Variants in CLEC2D observed in about 807,000 individuals in gnomAD.
The protein encoded by CLEC2D is C-type lectin domain family 2 member D.
In CLEC2D, 16 loss-of-function variants were observed where a neutral mutation model predicts 20.0. The observed-to-expected ratio is 0.80, with a 90% CI of 0.54 to 1.22. CLEC2D has a LOEUF of 1.22. Among genes scored for constraint, CLEC2D ranks in the 50% most tolerant of loss-of-function variants. The probability of loss-of-function intolerance (pLI) is 0.00; values close to 1 mark genes in which losing one functional copy is unlikely to be tolerated. For missense variants in CLEC2D, 207 were observed against 221.5 expected (o/e 0.93, Z 0.42); for synonymous variants, 77 against 71.1 (o/e 1.08, Z -0.42).
At chr12:9,671,322 C>T (rs1245492834) in intron 1 of CLEC2D, among the ~76,000 whole-genome samples, 2 of 152,174 alleles carry the variant, frequency 1.3e-5, no homozygotes, top group Non-Finnish European at 2.9e-5. Flanking sequence ...CTCCTGGGTT[C>T]ACGCCATTCT....
At chr12:9,680,222 A>G in intron 1 of CLEC2D, 1 of 348,430 alleles carries the variant, frequency 2.9e-6, no homozygotes, top group Non-Finnish European at 6.0e-6. Context: ...TGTGAAGAAG[A>G]ACACGTTTGC....
chr12:9,677,252 T>C (rs1006853557), intron 1 of CLEC2D, among the ~76,000 whole-genome samples: 7 of 152,150 alleles, frequency 4.6e-5, no homozygotes, highest in African/African-American at 1.7e-4. Context: ...TTCAATACTA[T>C]CAATTTCTCT....
At chr12:9,680,886 T>C (rs548316925) in intron 1 of CLEC2D, 37 bp from the exon 2 acceptor site, 9 of 1,040,478 alleles carry the variant, frequency 8.6e-6, no homozygotes, top group Non-Finnish European at 1.4e-5. Flanking sequence ...TATGTCTGTA[T>C]TTAATTGTTA....
At position 9,698,581 on chromosome 12, in the gene CLEC2D, A is replaced by G. The variant is rs1229089111; in HGVS notation, c.*3707A>G. The stretch of plus-strand genomic sequence containing the variant: ...AAAGAAAATATAGGGAGAAAGCTTC[A>G]CAACGTTGGTCTGGGCAATAATTTT... On this transcript the variant is annotated 3_prime_UTR_variant, in exon 5 of 5. Coordinates refer to ENST00000290855, the MANE Select transcript of CLEC2D (RefSeq NM_013269.6). 1.3e-5 allele frequency: 2 copies of G among 152,246 alleles called. No homozygotes were observed. The highest frequency in any genetic ancestry group is 6.5e-5 in the Admixed American group (1 of 15,272). The allele number at this position is 152,246 out of a possible 1,614,324, so 9.4% of individuals were successfully genotyped here.
intron 2 of CLEC2D, among the ~76,000 whole-genome samples, chr12:9,681,716 G>T (rs1591694145): frequency 1.3e-5 from 2 of 152,180 alleles, no homozygotes; most frequent in Admixed American, 1.3e-4. Flanking sequence ...ACATTCTGAA[G>T]TAATTTCAGA....
chr12:9,694,920 T>G lies in CLEC2D; in HGVS notation c.*46T>G. On this transcript the variant is annotated 3_prime_UTR_variant, in exon 5 of 5. Coordinates refer to ENST00000290855, the MANE Select transcript of CLEC2D (RefSeq NM_013269.6). Reference sequence around the variant, plus strand: ...CTAATCTTTAGAAGCATATTGGAACTGATAACTCCATTTTAAAATGAGCAA... The same window carrying G: ...CTAATCTTTAGAAGCATATTGGAACGGATAACTCCATTTTAAAATGAGCAA... The G allele has an allele frequency of 4.1e-6, 4 of 970,812 alleles. No individual in the cohort carries two copies. Among genetic ancestry groups the G allele is most frequent in the African/African-American group, 1.6e-5 (1 of 62,206 alleles). 60.1% of individuals were successfully genotyped at this position (970,812 alleles called of 1,614,324 possible). A position where few individuals can be genotyped will look rare whatever the true frequency, so the allele number is the denominator to read the frequency against.
At chr12:9,669,831 C>T (rs1456041586) in intron 1 of CLEC2D, 36 bp downstream of exon 1, 1 of 1,531,118 alleles carries the variant, frequency 6.5e-7, no homozygotes, top group Non-Finnish European at 9.0e-7. Flanking sequence ...AGTGTGAGGA[C>T]TGGAATGGGA....
rs1226655704 is a variant in CLEC2D, at chr12:9,683,322, G to GTTTTTTTTT, written c.172+2295_172+2296insTTTTTTTTT. ...TGCCTGTTCACTCTGATGATAGTTT[G>GTTTTTTTTT]TTTTTTGTGTTTGTTTTTTTTTTTT... On this transcript the variant is annotated intron_variant, in intron 2 of 4. Coordinates refer to ENST00000290855, the MANE Select transcript of CLEC2D (RefSeq NM_013269.6). 8.7e-5 allele frequency among the ~76,000 whole-genome samples: 7 copies of GTTTTTTTTT among 80,880 alleles called. 2 individuals carry two copies. Among genetic ancestry groups the GTTTTTTTTT allele is most frequent in the Non-Finnish European group, 1.2e-4 (5 of 41,860 alleles). 53.1% of individuals were successfully genotyped at this position (80,880 alleles called of 152,430 possible).
At chr12:9,671,097 T>G (rs1370592416) in intron 1 of CLEC2D, among the ~76,000 whole-genome samples, 1 of 152,124 alleles carries the variant, frequency 6.6e-6, no homozygotes, top group Non-Finnish European at 1.5e-5. Flanking sequence ...CATATACTTC[T>G]GCAATTATAG....
At chr12:9,678,013 A>G (rs11052367) in intron 1 of CLEC2D, among the ~76,000 whole-genome samples, 133,479 of 151,810 alleles carry the variant, frequency 0.88, 58,872 homozygotes, top group East Asian at 0.97. Context: ...ATGAGCCAAT[A>G]TACCCTGCTG....
chr12:9,694,960 A>G lies in CLEC2D; in HGVS notation c.*86A>G. 1.4e-6 allele frequency: 1 copy of G among 715,120 alleles called. No individual in the cohort carries two copies. 44.3% of individuals were successfully genotyped at this position (715,120 alleles called of 1,614,324 possible). A position where few individuals can be genotyped will look rare whatever the true frequency, so the allele number is the denominator to read the frequency against. On this transcript the variant is annotated 3_prime_UTR_variant, in exon 5 of 5. Coordinates refer to ENST00000290855, the MANE Select transcript of CLEC2D (RefSeq NM_013269.6). ...AAAATGAGCAAAGAATTTATTTCTT[A>G]TACCAACAGGTATATGAAAATATGC...
chr12:9,670,172 G>A (rs779477948), intron 1 of CLEC2D, among the ~76,000 whole-genome samples: 1 of 152,226 alleles, frequency 6.6e-6, no homozygotes, highest in South Asian at 2.1e-4. Context: ...GAGAGAAAAG[G>A]TAGAAAATAG....
intron 4 of CLEC2D, among the ~76,000 whole-genome samples, chr12:9,694,217 A>C (rs1210641202): frequency 6.6e-6 from 1 of 152,132 alleles, no homozygotes; most frequent in East Asian, 1.9e-4. Flanking sequence ...AGGTCTAACA[A>C]GTTTCAACAA....
rs1565473016 is a variant in CLEC2D at position 9,695,858 on chromosome 12, A to ATGC, written c.*986_*987insCTG. The ATGC allele has an allele frequency of 2.1e-6, 2 of 950,124 alleles. No individual in the cohort carries two copies. The highest frequency in any genetic ancestry group is 1.7e-5 in the African/African-American group (1 of 58,432). The allele number at this position is 950,124 out of a possible 1,614,324, so 58.9% of individuals were successfully genotyped here. On this transcript the variant is annotated 3_prime_UTR_variant, in exon 5 of 5. Transcript: ENST00000290855. ...AAAGTAAAACTTGCTGCTGCTGCTG[A>ATGC]TGATGATGATGATGAAGATGATGAT... is the stretch of plus-strand genomic sequence containing the variant.
At chr12:9,676,810 T>C (rs1490637439) in intron 1 of CLEC2D, among the ~76,000 whole-genome samples, 1 of 152,194 alleles carries the variant, frequency 6.6e-6, no homozygotes, top group Non-Finnish European at 1.5e-5. Flanking sequence ...TGGTGCTTTC[T>C]GTTTTGGAAG....
rs888668425 is a variant in CLEC2D, at chr12:9,696,426, T to A, written c.*1552T>A. On this transcript the variant is annotated 3_prime_UTR_variant, in exon 5 of 5. Coordinates refer to ENST00000290855, the MANE Select transcript of CLEC2D (RefSeq NM_013269.6). ...GTTTTTAAAGATGGAACTCCACCCT[T>A]TGCTTGGTTTTAAGTATGTATGGGA... 8.7e-6 allele frequency: 4 copies of A among 459,534 alleles called. No individual in the cohort carries two copies. The highest frequency in any genetic ancestry group is 1.6e-5 in the Non-Finnish European group (4 of 249,516). 28.5% of individuals were successfully genotyped at this position (459,534 alleles called of 1,614,324 possible). A position where few individuals can be genotyped will look rare whatever the true frequency, so the allele number is the denominator to read the frequency against.
At chr12:9,690,901 T>TGCAAA (rs1471442159) in intron 3 of CLEC2D, among the ~76,000 whole-genome samples, 7 of 152,076 alleles carry the variant, frequency 4.6e-5, no homozygotes, top group Non-Finnish European at 1.0e-4. Context: ...AATCTTGTTT[T>TGCAAA]AGTAATCACA....
At chr12:9,689,438 A>G (rs571485861) in intron 3 of CLEC2D, among the ~76,000 whole-genome samples, 76 of 152,324 alleles carry the variant, frequency 5.0e-4, no homozygotes, top group Middle Eastern at 6.8e-3. Context: ...CTCAAAAAAA[A>G]ATTACAAAAC....
At chr12:9,683,189 G>T (rs1865673390) in intron 2 of CLEC2D, among the ~76,000 whole-genome samples, 1 of 151,930 alleles carries the variant, frequency 6.6e-6, no homozygotes, top group Non-Finnish European at 1.5e-5. Context: ...TTTTTTGATA[G>T]GGTTTTTTGT....
Sources: gnomAD v4.1 joint callset for allele counts (sites outside exome capture counted in the v4.1 genomes callset) on GRCh38, gnomAD v4.1.1 for gene constraint, MANE v1.5 for transcripts, NCBI Gene and HGNC (gene_info 2026-07-23, HGNC 2026-07-21) for gene names.